Variants in IFT140 observed in about 807,000 individuals in gnomAD.
IFT140 encodes intraflagellar transport protein 140 homolog.
IFT140 carries 133 observed loss-of-function variants against 164.6 expected under a neutral mutation model. That is an observed-to-expected ratio of 0.81 (90% CI 0.70 to 0.93). IFT140 has a LOEUF of 0.93. IFT140 is among the 40% of genes least tolerant of loss of function. IFT140 has a pLI of 0.00. For missense variants in IFT140, 2,045 were observed against 1,972.3 expected, an observed-to-expected ratio of 1.04 and a Z score of -0.70; for synonymous variants, 860 against 817.3, an observed-to-expected ratio of 1.05 and a Z score of -0.89.
At chr16:1,540,375 G>A (rs532821213) in intron 19 of IFT140, among the ~76,000 whole-genome samples, 3 of 152,364 alleles carry the variant, frequency 2.0e-5, no homozygotes, top group African/African-American at 4.8e-5. Flanking sequence ...AAAGCAGCCC[G>A]CATCCCCCAC....
intron 13 of IFT140, among the ~76,000 whole-genome samples, chr16:1,573,373 G>A (rs1225337193): frequency 1.3e-5 from 2 of 151,884 alleles, no homozygotes. Context: ...TCAGATCTGA[G>A]CTCAACTCTT....
At chr16:1,516,675 T>C (rs373136659) in intron 30 of IFT140, among the ~76,000 whole-genome samples, 9 of 143,262 alleles carry the variant, frequency 6.3e-5, no homozygotes, top group African/African-American at 1.0e-4. Flanking sequence ...GAGGCTGAGG[T>C]AGGAGAATGG....
Position 1,533,566 on chromosome 16 carries a change from A to G in IFT140, c.2400-6770T>C, listed in dbSNP as rs748376883. On this transcript the variant is annotated intron_variant, in intron 19 of 30. Coordinates refer to ENST00000426508, the MANE Select transcript of IFT140 (RefSeq NM_014714.4). This position sits in a 1 kb window ranked among gnomAD's most constrained non-coding sequence, Gnocchi z 4.7. ...CAGAAGTCTCCTGGCCTTTCCCATCAGGAAGCACATCCTGTTGGTGTCTGG... is the reference window on the plus strand; with the variant it reads ...CAGAAGTCTCCTGGCCTTTCCCATCGGGAAGCACATCCTGTTGGTGTCTGG... 9 of 152,298 alleles carry G rather than the reference A, an allele frequency of 5.9e-5. No homozygotes were observed. The highest frequency in any genetic ancestry group is 1.0e-4 in the Non-Finnish European group (7 of 68,088). 9.4% of individuals were successfully genotyped at this position (152,298 alleles called of 1,614,324 possible). A position where few individuals can be genotyped will look rare whatever the true frequency, so the allele number is the denominator to read the frequency against.
rs375293753 is a variant in IFT140 at position 1,580,898 on chromosome 16, C to T, written c.1433-48G>A. On this transcript the variant is annotated intron_variant, in intron 12 of 30. Transcript: ENST00000426508. ...GGATGGCGGCCGCTCATCCGCCAGA[C>T]TTGCTGGGAGTTTCAGGAGCATTCC... The T allele has an allele frequency of 3.0e-4, 393 of 1,326,682 alleles. 1 individual carries two copies. The highest frequency in any genetic ancestry group is 4.1e-4 in the Non-Finnish European group (375 of 920,406). 82.2% of individuals were successfully genotyped at this position (1,326,682 alleles called of 1,614,324 possible). A position where few individuals can be genotyped will look rare whatever the true frequency, so the allele number is the denominator to read the frequency against.
rs543542346 is a variant in IFT140, at chr16:1,564,519, G to C, written c.1902-357C>G. On this transcript the variant is annotated intron_variant, in intron 16 of 30. Coordinates refer to ENST00000426508, the MANE Select transcript of IFT140 (RefSeq NM_014714.4). The surrounding 1 kb of genome is among the most constrained non-coding windows in gnomAD (Gnocchi z 5.5). ...CGAGGTGGGATGGCACCCCCTGCTG[G>C]GCGGGGTCGAGGCTTTGGCTCTGTG... 5.1e-4 allele frequency among the ~76,000 whole-genome samples: 78 copies of C among 152,308 alleles called. No individual in the cohort carries two copies. The highest frequency in any genetic ancestry group is 8.8e-4 in the Non-Finnish European group (60 of 68,020).
chr16:1,583,473 C>T, intron 11 of IFT140, 87 bp from the exon 12 acceptor site: 1 of 1,025,364 alleles, frequency 9.8e-7, no homozygotes, highest in East Asian at 2.4e-5. Context: ...AAAGCCTCCT[C>T]TAAACACTTC....
At chr16:1,586,298 T>C (rs373201557) in intron 9 of IFT140, 23 bp from the exon 10 acceptor site, 7 of 1,600,348 alleles carry the variant, frequency 4.4e-6, no homozygotes, top group Admixed American at 1.7e-5. Flanking sequence ...ACAAACTGCA[T>C]GTGAACAGAG....
intron 4 of IFT140, among the ~76,000 whole-genome samples, chr16:1,592,831 C>T (rs1468360058): frequency 1.3e-5 from 2 of 148,392 alleles, no homozygotes; most frequent in African/African-American, 5.0e-5. Context: ...TGAAGGCTGG[C>T]AAGGTACCCT....
intron 19 of IFT140, among the ~76,000 whole-genome samples, chr16:1,529,059 C>G (rs1470453057): frequency 6.6e-6 from 1 of 152,164 alleles, no homozygotes; most frequent in Non-Finnish European, 1.5e-5. Context: ...TGGGATGGGC[C>G]CTGCGGTGGT....
chr16:1,592,246 C>G lies in IFT140; in HGVS notation c.564G>C (p.Lys188Asn). 6.2e-7 allele frequency: 1 copy of G among 1,614,236 alleles called. No individual in the cohort carries two copies. The highest frequency in any genetic ancestry group is 8.5e-7 in the Non-Finnish European group (1 of 1,180,050). ...TCTTCAGCAAACTTCCAGAACTGCT[C>G]TTCTTCCAGTTAAACATGTCCAGGG... Reference protein sequence around the residue: ...EKALDMFNWKKSSSGSLLKMG... With the variant: ...EKALDMFNWKNSSSGSLLKMG... Residue 188 changes from lysine (K) to asparagine (N), a missense_variant, in exon 6 of 31, where the codon AAG becomes AAC. Coordinates refer to ENST00000426508, the MANE Select transcript of IFT140 (RefSeq NM_014714.4).
chr16:1,601,100 T>C (rs911670331), intron 4 of IFT140, among the ~76,000 whole-genome samples: 3 of 151,926 alleles, frequency 2.0e-5, no homozygotes, highest in Non-Finnish European at 4.4e-5. Context: ...CCGTCTCTAC[T>C]AAACATACCA....
chr16:1,518,834 G>C (rs906064326), intron 29 of IFT140, among the ~76,000 whole-genome samples: 7 of 152,032 alleles, frequency 4.6e-5, no homozygotes, highest in Non-Finnish European at 1.0e-4. Flanking sequence ...TGTGAGCTGG[G>C]GTGACACCAG....
At chr16:1,581,543 T>G (rs1459460666) in intron 12 of IFT140, among the ~76,000 whole-genome samples, 1 of 151,266 alleles carries the variant, frequency 6.6e-6, no homozygotes, top group Non-Finnish European at 1.5e-5. Context: ...GAGGCTGCAG[T>G]GAGCCGCCAT....
At chr16:1,527,436 G>A (rs932781131) in intron 19 of IFT140, among the ~76,000 whole-genome samples, 1 of 152,200 alleles carries the variant, frequency 6.6e-6, no homozygotes, top group Non-Finnish European at 1.5e-5. Context: ...GGGTCACGGG[G>A]GACAGCACCT....
At position 1,599,216 on chromosome 16, in the gene IFT140, G is replaced by A. The variant is rs1167252070; in HGVS notation, c.369+3154C>T. Among the ~76,000 whole-genome samples the A allele has an allele frequency of 1.7e-3, 138 of 81,944 alleles. 1 individual carries two copies. The highest frequency in any genetic ancestry group is 9.6e-3 in the African/African-American group (131 of 13,674). 53.8% of individuals were successfully genotyped at this position (81,944 alleles called of 152,430 possible). On this transcript the variant is annotated intron_variant, in intron 4 of 30. Transcript: ENST00000426508. ...TGAGAAGTGAGGAGCCCCTCCGCCC[G>A]GCAGCTGCCCCGTCTGAGAAGTGAG...
chr16:1,598,227 G>A lies in IFT140; in HGVS notation c.369+4143C>T, dbSNP rs543195351. 7.0e-4 allele frequency among the ~76,000 whole-genome samples: 107 copies of A among 152,354 alleles called. 1 individual carries two copies. The highest frequency in any genetic ancestry group is 2.4e-3 in the African/African-American group (100 of 41,578). ...TAATCCCAGCACTGTGGGAGGCTGA[G>A]GCGGGCAGATCACGAGGTCAGGAGA... On this transcript the variant is annotated intron_variant, in intron 4 of 30. Coordinates refer to ENST00000426508, the MANE Select transcript of IFT140 (RefSeq NM_014714.4).
At chr16:1,556,436 A>G (rs1596359198) in intron 19 of IFT140, among the ~76,000 whole-genome samples, 2 of 152,380 alleles carry the variant, frequency 1.3e-5, no homozygotes, top group Non-Finnish European at 2.9e-5. Flanking sequence ...CCCTGCTGGC[A>G]TCGGCCAAAA....
intron 19 of IFT140, among the ~76,000 whole-genome samples, chr16:1,557,255 C>A (rs927650474): frequency 6.6e-6 from 1 of 152,228 alleles, no homozygotes. Context: ...AAGAGCTCAT[C>A]TGCACAGCTA....
chr16:1,518,031 T>A, intron 30 of IFT140, 185 bp downstream of exon 30: 1 of 536,708 alleles, frequency 1.9e-6, no homozygotes, highest in African/African-American at 1.9e-5. Context: ...AGAGATGGGG[T>A]TTCACCATGT....
Sources: gnomAD v4.1 joint callset for allele counts (sites outside exome capture counted in the v4.1 genomes callset) on GRCh38, gnomAD v4.1.1 for gene constraint, Gnocchi (gnomAD v3.1) non-coding constraint, MANE v1.5 for transcripts, NCBI Gene and HGNC (gene_info 2026-07-23, HGNC 2026-07-21) for gene names.